Variants in ARHGEF38 observed in about 807,000 individuals in gnomAD.
ARHGEF38 encodes Rho guanine nucleotide exchange factor 38, also known as Rho guanine nucleotide exchange factor (GEF) 38.
ARHGEF38 carries 79 observed loss-of-function variants against 79.9 expected under a neutral mutation model. The observed-to-expected ratio is 0.99, with a 90% CI of 0.82 to 1.19. The LOEUF is 1.19. Among genes scored for constraint, ARHGEF38 ranks in the 50% most tolerant of loss-of-function variants. The pLI is 0.00. For missense variants in ARHGEF38, 962 were observed against 907.2 expected, an observed-to-expected ratio of 1.06 and a Z score of -0.78; for synonymous variants, 366 against 328.3, an observed-to-expected ratio of 1.11 and a Z score of -1.24.
intron 4 of ARHGEF38, chr4:105,631,553 C>T (rs942798940): frequency 1.0e-5 from 10 of 985,342 alleles, no homozygotes; most frequent in African/African-American, 1.7e-5. Context: ...CTTCCTTTCT[C>T]ATCCCTAAAA....
Position 105,651,015 on chromosome 4 carries a change from T to TC in ARHGEF38, c.1008+2333_1008+2334insC. Among the ~76,000 whole-genome samples the TC allele has an allele frequency of 2.6e-5, 4 of 152,278 alleles. No individual in the cohort carries two copies. The South Asian group carries it at 8.3e-4, about 32-fold the overall frequency. ...GCATGTGTAAATGTAGGGCAAACAA[T>TC]TCCCCCCCCAAGTCTTTGGGATTTT... On this transcript the variant is annotated intron_variant, in intron 7 of 13. Transcript: ENST00000420470.
chr4:105,623,108 C>A (rs1728806172), intron 3 of ARHGEF38, among the ~76,000 whole-genome samples: 1 of 152,168 alleles, frequency 6.6e-6, no homozygotes, highest in Non-Finnish European at 1.5e-5. Context: ...TGGGCATAAC[C>A]CCTCCAGAAT....
intron 9 of ARHGEF38, among the ~76,000 whole-genome samples, chr4:105,656,121 C>G (rs1433025766): frequency 2.0e-5 from 3 of 152,070 alleles, no homozygotes; most frequent in Non-Finnish European, 4.4e-5. Flanking sequence ...GTGGAACAAT[C>G]TCAGCTCACT....
intron 1 of ARHGEF38, among the ~76,000 whole-genome samples, chr4:105,559,823 A>G (rs895733347): frequency 6.6e-6 from 1 of 152,100 alleles, no homozygotes; most frequent in Non-Finnish European, 1.5e-5. Flanking sequence ...GTAAGAGGGA[A>G]GGGGAGGGAA....
At chr4:105,640,024 G>A (rs565160682) in intron 5 of ARHGEF38, among the ~76,000 whole-genome samples, 104 of 151,858 alleles carry the variant, frequency 6.8e-4, no homozygotes, top group Non-Finnish European at 1.3e-3. Context: ...GTCTATTTTG[G>A]TATTTATCTT....
intron 1 of ARHGEF38, among the ~76,000 whole-genome samples, chr4:105,556,849 A>G (rs1434859406): frequency 1.3e-5 from 2 of 152,206 alleles, no homozygotes; most frequent in African/African-American, 2.4e-5. Flanking sequence ...ACATGTTTCT[A>G]TCAGAAAGAT....
At chr4:105,632,033 G>A (rs1010025939) in intron 4 of ARHGEF38, among the ~76,000 whole-genome samples, 5 of 152,132 alleles carry the variant, frequency 3.3e-5, no homozygotes, top group African/African-American at 1.2e-4. Context: ...GATCCCCAAC[G>A]GGGATGGGGA....
intron 2 of ARHGEF38, among the ~76,000 whole-genome samples, chr4:105,593,554 A>G (rs72669966): frequency 0.067 from 10,167 of 152,046 alleles, 355 homozygotes; most frequent in Middle Eastern, 0.11. Context: ...AAACAAATAA[A>G]CAGACAGACA....
At chr4:105,664,893 C>G (rs2110573441) in intron 10 of ARHGEF38, among the ~76,000 whole-genome samples, 1 of 152,178 alleles carries the variant, frequency 6.6e-6, no homozygotes, top group South Asian at 2.1e-4. Context: ...AATAAATATC[C>G]TTATCTCATT....
chr4:105,610,764 T>A lies in ARHGEF38; in HGVS notation c.385-2620T>A, dbSNP rs185437773. On this transcript the variant is annotated intron_variant, in intron 2 of 13. Transcript: ENST00000420470. ...GAAGTGGAATTAAAATCTATGTTTT[T>A]GTTATTTAGTATTTGTGGCACTAAG... 4.2e-3 allele frequency among the ~76,000 whole-genome samples: 642 copies of A among 152,202 alleles called. 8 individuals are homozygous for A. Among genetic ancestry groups the A allele is most frequent in the African/African-American group, 0.014 (600 of 41,554 alleles).
intron 2 of ARHGEF38, among the ~76,000 whole-genome samples, chr4:105,599,253 C>A (rs1200424205): frequency 2.0e-5 from 3 of 152,146 alleles, no homozygotes; most frequent in South Asian, 4.1e-4. Flanking sequence ...CTTGTTGTTA[C>A]ATTTATAAGC....
At chr4:105,602,874 A>C (rs1312515496) in intron 2 of ARHGEF38, among the ~76,000 whole-genome samples, 1 of 152,150 alleles carries the variant, frequency 6.6e-6, no homozygotes, top group African/African-American at 2.4e-5. Flanking sequence ...TGTTCCCAGA[A>C]CTGGCTCTGC....
At chr4:105,666,594 GA>G (rs1447876139) in intron 11 of ARHGEF38, among the ~76,000 whole-genome samples, 1 of 152,026 alleles carries the variant, frequency 6.6e-6, no homozygotes. Context: ...AATATTTGTT[GA>G]ATAAGATTTT....
At chr4:105,661,796 C>T (rs1311503234) in intron 10 of ARHGEF38, among the ~76,000 whole-genome samples, 1 of 151,958 alleles carries the variant, frequency 6.6e-6, no homozygotes, top group Non-Finnish European at 1.5e-5. Flanking sequence ...CCTGTATTAC[C>T]ATACATTGTT....
intron 2 of ARHGEF38, among the ~76,000 whole-genome samples, chr4:105,593,392 G>T (rs1193427310): frequency 6.6e-6 from 1 of 151,208 alleles, no homozygotes; most frequent in African/African-American, 2.4e-5. Flanking sequence ...AAAAAAAACA[G>T]CCAAGTGTAG....
At chr4:105,589,209 C>T in intron 1 of ARHGEF38, 39 bp from the exon 2 acceptor site, 1 of 1,538,358 alleles carries the variant, frequency 6.5e-7, no homozygotes, top group Non-Finnish European at 8.8e-7. Flanking sequence ...AAAGAAACCT[C>T]AGCAGAATGC....
In ARHGEF38 at chr4:105,561,444, A is replaced by AGAATAGAATGGAATGGAATGGAATG. The variant is rs1725561691; in HGVS notation, c.196+8487_196+8488insAGAATGGAATGGAATGGAATGGAAT. 9.1e-4 allele frequency: 39 copies of AGAATAGAATGGAATGGAATGGAATG among 43,014 alleles called. 4 individuals are homozygous for AGAATAGAATGGAATGGAATGGAATG. Among genetic ancestry groups the AGAATAGAATGGAATGGAATGGAATG allele is most frequent in the Non-Finnish European group, 6.7e-4 (15 of 22,550 alleles). 2.7% of individuals were successfully genotyped at this position (43,014 alleles called of 1,614,324 possible). On this transcript the variant is annotated intron_variant, in intron 1 of 13. Coordinates refer to ENST00000420470, the MANE Select transcript of ARHGEF38 (RefSeq NM_001242729.2). The stretch of plus-strand genomic sequence containing the variant: ...AGAATGGAATAGAATAGAATAGAAT[A>AGAATAGAATGGAATGGAATGGAATG]GAATGGAATAGAATAGAATAGAATA...
At chr4:105,644,897 GCCAATTATAAAAAA>G (rs1729771749) in intron 5 of ARHGEF38, among the ~76,000 whole-genome samples, 2 of 152,054 alleles carry the variant, frequency 1.3e-5, no homozygotes, top group South Asian at 4.1e-4. Context: ...ATATTATAAA[GCCAATTATAAAAAA>G]CCTTGTAAAC....
intron 5 of ARHGEF38, among the ~76,000 whole-genome samples, chr4:105,638,095 G>A (rs1228745542): frequency 6.6e-6 from 1 of 152,124 alleles, no homozygotes; most frequent in East Asian, 1.9e-4. Flanking sequence ...GTAATTGTTG[G>A]GTTCTTTAGT....
Sources: allele counts gnomAD v4.1 joint callset (sites outside exome capture counted in the v4.1 genomes callset), GRCh38; gene constraint gnomAD v4.1.1; transcripts MANE v1.5; gene names NCBI Gene and HGNC (gene_info 2026-07-23, HGNC 2026-07-21).